CCDC150: variants seen among roughly 807,000 people sequenced by gnomAD.
CCDC150 encodes the protein coiled-coil domain containing 150.
Under a neutral mutation model 156.5 loss-of-function variants are expected in CCDC150, and 151 were observed. The ratio of observed to expected loss-of-function variants is 0.97; its 90% CI spans 0.85 to 1.10. The LOEUF (loss-of-function observed/expected upper bound fraction) is 1.10. CCDC150 is among the 50% of genes least tolerant of loss of function. The pLI is 0.00. For synonymous variants in CCDC150, 452 were observed against 429.4 expected, an observed-to-expected ratio of 1.05 and a Z score of -0.65; for missense variants, 1,312 against 1,268.1, an observed-to-expected ratio of 1.03 and a Z score of -0.53.
At chr2:196,648,221 C>T (rs1213758899) in intron 2 of CCDC150, among the ~76,000 whole-genome samples, 1 of 152,102 alleles carries the variant, frequency 6.6e-6, no homozygotes, top group Non-Finnish European at 1.5e-5. Flanking sequence ...CCATGCTGTT[C>T]TCCAAAATGG....
intron 13 of CCDC150, among the ~76,000 whole-genome samples, chr2:196,689,878 G>T (rs13018679): frequency 0.78 from 118,715 of 151,940 alleles, 46,574 homozygotes; most frequent in East Asian, 0.95. Flanking sequence ...TATTGGCTGT[G>T]GGTTTGTCAT....
rs1448018623 is a variant in CCDC150 at position 196,669,839 on chromosome 2, G to A, written c.899G>A (p.Arg300Lys). ...TSQLKSDLTS[R>K]DDLISKLVEE... ...GTGGAATTTTTGTTTTTAGCTTCTA[G>A]AGATGACCTCATTTCCAAGTTGGTT... The change falls in exon 8 of 28, where the codon AGA becomes AAA. Residue 300 changes from arginine (R) to lysine (K), a missense_variant. Physicochemically the swap from Arg to Lys is conservative, Grantham distance 26 (BLOSUM62 2). Transcript: ENST00000389175. The A allele has an allele frequency of 6.2e-7, 1 of 1,609,436 alleles. No homozygotes were observed. Among genetic ancestry groups the A allele is most frequent in the Admixed American group, 1.7e-5 (1 of 59,580 alleles).
Position 196,732,613 on chromosome 2 carries a change from A to G in CCDC150, c.*51A>G. ...TGTGTAGCTACACTCCATGATTCCAAGAGCCCAGCAGCCGGGGCTGGCCTG... is the reference window on the plus strand; with the variant it reads ...TGTGTAGCTACACTCCATGATTCCAGGAGCCCAGCAGCCGGGGCTGGCCTG... On this transcript the variant is annotated 3_prime_UTR_variant, in exon 28 of 28. Transcript: ENST00000389175. 8.1e-7 allele frequency: 1 copy of G among 1,237,668 alleles called. No homozygotes were observed. The highest frequency in any genetic ancestry group is 1.2e-6 in the Non-Finnish European group (1 of 840,242). 76.7% of individuals were successfully genotyped at this position (1,237,668 alleles called of 1,614,324 possible). A position where few individuals can be genotyped will look rare whatever the true frequency, so the allele number is the denominator to read the frequency against.
intron 13 of CCDC150, among the ~76,000 whole-genome samples, chr2:196,679,878 T>C (rs1694719853): frequency 6.6e-6 from 1 of 152,218 alleles, no homozygotes; most frequent in African/African-American, 2.4e-5. Context: ...ATTGAGCTTC[T>C]TTTCATGCAC....
chr2:196,732,619 C>CCGGCTGCTGGGCTCTTGG lies in CCDC150; in HGVS notation c.*57_*58insCGGCTGCTGGGCTCTTGG. ...GCTACACTCCATGATTCCAAGAGCC[C>CCGGCTGCTGGGCTCTTGG]AGCAGCCGGGGCTGGCCTGTTTCTA... On this transcript the variant is annotated 3_prime_UTR_variant, in exon 28 of 28. Coordinates refer to ENST00000389175, the MANE Select transcript of CCDC150 (RefSeq NM_001080539.2). 1 of 1,205,912 alleles carries CCGGCTGCTGGGCTCTTGG rather than the reference C, an allele frequency of 8.3e-7. No individual in the cohort carries two copies. Among genetic ancestry groups the CCGGCTGCTGGGCTCTTGG allele is most frequent in the Non-Finnish European group, 1.2e-6 (1 of 812,280 alleles). 74.7% of individuals were successfully genotyped at this position (1,205,912 alleles called of 1,614,324 possible). A position where few individuals can be genotyped will look rare whatever the true frequency, so the allele number is the denominator to read the frequency against.
intron 13 of CCDC150, among the ~76,000 whole-genome samples, chr2:196,681,886 G>T (rs1366476643): frequency 1.3e-5 from 2 of 151,884 alleles, no homozygotes; most frequent in Admixed American, 1.3e-4. Flanking sequence ...ATGATTTGCA[G>T]GTATTTTCTC....
chr2:196,671,904 G>T (rs1694225525), intron 8 of CCDC150, among the ~76,000 whole-genome samples: 1 of 152,136 alleles, frequency 6.6e-6, no homozygotes, highest in Non-Finnish European at 1.5e-5. Context: ...CAGCTCCTTT[G>T]GGTAAATCCC....
Position 196,656,692 on chromosome 2 carries a change from C to T in CCDC150, c.236C>T (p.Pro79Leu). 6.2e-7 allele frequency: 1 copy of T among 1,613,610 alleles called. No homozygotes were observed. Among genetic ancestry groups the T allele is most frequent in the Non-Finnish European group, 8.5e-7 (1 of 1,179,736 alleles). The change falls in exon 3 of 28, where the codon CCT (proline) becomes CTT (leucine). Residue 79 changes from proline (P) to leucine (L), a missense_variant. Physicochemically the swap from Pro to Leu is moderately conservative, Grantham distance 98. Transcript: ENST00000389175. ...CTGGACAGCCAGAAAGTCATTAGTCCTATCCAAAATGAAGCAATTTGTGCA... is the reference window on the plus strand; with the variant it reads ...CTGGACAGCCAGAAAGTCATTAGTCTTATCCAAAATGAAGCAATTTGTGCA... ...EDLDSQKVIS[P>L]IQNEAICAGK...
At chr2:196,643,480 A>G (rs748285669) in intron 1 of CCDC150, among the ~76,000 whole-genome samples, 3 of 152,232 alleles carry the variant, frequency 2.0e-5, no homozygotes, top group Non-Finnish European at 2.9e-5. Flanking sequence ...CTGAATGTAC[A>G]CATGTCCTGG....
intron 2 of CCDC150, among the ~76,000 whole-genome samples, chr2:196,655,561 G>T (rs967135746): frequency 6.6e-6 from 1 of 152,114 alleles, no homozygotes; most frequent in Non-Finnish European, 1.5e-5. Flanking sequence ...AGACCATCGA[G>T]TATTCACTGG....
chr2:196,664,707 C>T (rs1693741553), intron 5 of CCDC150, among the ~76,000 whole-genome samples: 1 of 152,118 alleles, frequency 6.6e-6, no homozygotes, highest in Non-Finnish European at 1.5e-5. Context: ...GCTAGAAGTC[C>T]CAGTCCTCTA....
rs373723066 is a variant in CCDC150, at chr2:196,729,820, G to A, written c.2779G>A (p.Glu927Lys). The A allele has an allele frequency of 1.3e-6, 2 of 1,588,638 alleles. No homozygotes were observed. Among genetic ancestry groups the A allele is most frequent in the Non-Finnish European group, 1.7e-6 (2 of 1,161,216 alleles). The change falls in exon 24 of 28, where the codon GAG becomes AAG. Residue 927 changes from glutamate (E) to lysine (K), a missense_variant. Glu to Lys is a moderately conservative substitution (Grantham distance 56). Transcript: ENST00000389175. ...AATAGAAAAAGAATTGAAGCAAATG[G>A]AGCTAATTAAGGATCAATATCAGAA... ...KQIEKELKQMELIKDQYQKKN... is the reference protein window; with the variant it reads ...KQIEKELKQMKLIKDQYQKKN...
At chr2:196,644,120 A>G (rs1053818536) in intron 1 of CCDC150, among the ~76,000 whole-genome samples, 8 of 152,134 alleles carry the variant, frequency 5.3e-5, no homozygotes, top group African/African-American at 1.9e-4. Context: ...CTAGAAAAAC[A>G]AAAGTCTGCC....
At chr2:196,728,152 A>C (rs557212421) in intron 22 of CCDC150, 1 of 152,358 alleles carries the variant, frequency 6.6e-6, no homozygotes, top group Admixed American at 6.5e-5. Context: ...TGCCTGAGTC[A>C]AGTTTGTCTT....
chr2:196,705,386 C>G (rs1254871723), intron 15 of CCDC150, among the ~76,000 whole-genome samples: 1 of 152,170 alleles, frequency 6.6e-6, no homozygotes, highest in East Asian at 1.9e-4. Context: ...CCTTCGCCAA[C>G]TTTTTGATGG....
intron 5 of CCDC150, among the ~76,000 whole-genome samples, chr2:196,663,870 A>T (rs976808349): frequency 6.6e-6 from 1 of 152,130 alleles, no homozygotes; most frequent in African/African-American, 2.4e-5. Context: ...GATTTCTTTC[A>T]GTTTCACATC....
In CCDC150 at chr2:196,719,551, A is replaced by G. The variant is rs1401843294; in HGVS notation, c.2050A>G (p.Thr684Ala). The G allele has an allele frequency of 2.5e-6, 4 of 1,612,690 alleles. No homozygotes were observed. In the East Asian group the frequency reaches 6.7e-5, roughly 27 times the overall value. ...AGCTAAAGAAGACAACTGCAAAGTC[A>G]CAATCATGTTGGAGAATGTGCTGGC... The part of the protein sequence containing the change: ...AEAKEDNCKV[T>A]IMLENVLASH... Residue 684 changes from threonine to alanine, a missense_variant, in exon 19 of 28, where the codon ACA (threonine) becomes GCA (alanine). Thr to Ala is a moderately conservative substitution (Grantham distance 58). Transcript: ENST00000389175.
rs139461788 is a variant in CCDC150, at chr2:196,715,155, T to C, written c.1866+2416T>C. Among the ~76,000 whole-genome samples the C allele has an allele frequency of 7.3e-3, 1,112 of 152,282 alleles. 11 individuals are homozygous for C. Among genetic ancestry groups the C allele is most frequent in the African/African-American group, 0.025 (1,057 of 41,560 alleles). ...CCCTACAATTGTCCTTCTAGGACTTTTTCCTACTGATATACTGGCTTGTAC... is the reference window on the plus strand; with the variant it reads ...CCCTACAATTGTCCTTCTAGGACTTCTTCCTACTGATATACTGGCTTGTAC... On this transcript the variant is annotated intron_variant, in intron 17 of 27. Transcript: ENST00000389175.
chr2:196,641,385 C>G lies in CCDC150; in HGVS notation c.12+1607C>G, dbSNP rs922479777. ...TTTATTATGTGCGGACTCATCAGACCTTCTAACTTCAGGCCTTTGCACTTG... is the reference window on the plus strand; with the variant it reads ...TTTATTATGTGCGGACTCATCAGACGTTCTAACTTCAGGCCTTTGCACTTG... On this transcript the variant is annotated intron_variant, in intron 1 of 27. Transcript: ENST00000389175. Among the ~76,000 whole-genome samples the G allele has an allele frequency of 5.9e-5, 9 of 152,244 alleles. No individual in the cohort carries two copies. In the East Asian group the frequency reaches 1.7e-3, roughly 29 times the overall value.
Sources: allele counts gnomAD v4.1 joint callset (sites outside exome capture counted in the v4.1 genomes callset), GRCh38; gene constraint gnomAD v4.1.1; transcripts MANE v1.5; gene names NCBI Gene and HGNC (gene_info 2026-07-23, HGNC 2026-07-21).